Variants in SRGAP1 observed in about 807,000 individuals in gnomAD.
SRGAP1 encodes SLIT-ROBO Rho GTPase activating protein 1.
Under a neutral mutation model 121.9 loss-of-function variants are expected in SRGAP1, and 43 were observed. The observed-to-expected ratio is 0.35, with a 90% CI of 0.28 to 0.46. SRGAP1 has a LOEUF of 0.46. Among genes scored for constraint, SRGAP1 ranks in the 20% least tolerant of loss-of-function variants. The probability of loss-of-function intolerance (pLI) is 1.00; values close to 1 mark genes in which losing one functional copy is unlikely to be tolerated. For synonymous variants in SRGAP1, 447 were observed against 485.4 expected (o/e 0.92, Z 1.04); for missense variants, 1,102 against 1,350.9 (o/e 0.82, Z 2.89).
chr12:64,133,622 CA>C (rs2036817752), intron 21 of SRGAP1, among the ~76,000 whole-genome samples: 1 of 152,138 alleles, frequency 6.6e-6, no homozygotes, highest in Non-Finnish European at 1.5e-5. Context: ...GATAAAGATT[CA>C]CTGCATAAAT....
At chr12:63,900,407 G>C (rs1281947837) in intron 1 of SRGAP1, among the ~76,000 whole-genome samples, 7 of 151,614 alleles carry the variant, frequency 4.6e-5, no homozygotes, top group South Asian at 2.1e-4. Context: ...GAGTTTCACT[G>C]TGTTAGCCAG....
intron 6 of SRGAP1, among the ~76,000 whole-genome samples, chr12:64,050,727 T>C (rs1311457341): frequency 6.6e-6 from 1 of 152,114 alleles, no homozygotes; most frequent in Non-Finnish European, 1.5e-5. Flanking sequence ...TATTTATTTG[T>C]TTGTTTATTT....
At chr12:63,876,870 A>G (rs946634944) in intron 1 of SRGAP1, among the ~76,000 whole-genome samples, 7 of 152,248 alleles carry the variant, frequency 4.6e-5, no homozygotes, top group African/African-American at 1.7e-4. Context: ...CTTTTAAAAA[A>G]TATGAACCAG....
intron 15 of SRGAP1, among the ~76,000 whole-genome samples, chr12:64,104,253 G>A (rs1242362673): frequency 1.3e-5 from 2 of 152,136 alleles, no homozygotes; most frequent in African/African-American, 2.4e-5. Context: ...AAGTTGGGAC[G>A]CTAACATGAG....
chr12:64,000,886 T>C (rs2033872957), intron 3 of SRGAP1, among the ~76,000 whole-genome samples: 1 of 152,312 alleles, frequency 6.6e-6, no homozygotes, highest in Non-Finnish European at 1.5e-5. Context: ...AAGAATGGTC[T>C]ATTGGGAAAA....
At chr12:63,946,293 CTTTTTTTT>C (rs77103965) in intron 1 of SRGAP1, among the ~76,000 whole-genome samples, 1 of 136,740 alleles carries the variant, frequency 7.3e-6, no homozygotes, top group Non-Finnish European at 1.6e-5. Context: ...CTTTTTTTTT[CTTTTTTTT>C]TTTTTACAGT....
chr12:63,926,109 T>C (rs2031251307), intron 1 of SRGAP1, among the ~76,000 whole-genome samples: 1 of 152,202 alleles, frequency 6.6e-6, no homozygotes, highest in Admixed American at 6.5e-5. Flanking sequence ...TTGGATAATA[T>C]ATATTTATAG....
intron 4 of SRGAP1, among the ~76,000 whole-genome samples, chr12:64,030,145 T>TA (rs2034742643): frequency 6.6e-6 from 1 of 152,166 alleles, no homozygotes; most frequent in South Asian, 2.1e-4. Flanking sequence ...ATTATGTTTA[T>TA]AAAAAATTAT....
intron 1 of SRGAP1, among the ~76,000 whole-genome samples, chr12:63,975,848 G>A (rs2033078207): frequency 1.3e-5 from 2 of 152,150 alleles, no homozygotes; most frequent in African/African-American, 4.8e-5. Flanking sequence ...AAGAGGCTTA[G>A]GGGAAAATAT....
At chr12:64,092,502 A>ATACATACG (rs1565677419) in intron 12 of SRGAP1, among the ~76,000 whole-genome samples, 2 of 140,910 alleles carry the variant, frequency 1.4e-5, no homozygotes, top group African/African-American at 6.0e-5. Flanking sequence ...ACATACATAC[A>ATACATACG]TATGTACATA....
chr12:64,001,904 T>C (rs1393864684), intron 3 of SRGAP1, among the ~76,000 whole-genome samples: 1 of 152,192 alleles, frequency 6.6e-6, no homozygotes, highest in Non-Finnish European at 1.5e-5. Context: ...CTAAGTATAC[T>C]CCACCATGCC....
chr12:63,918,395 G>A (rs1160093267), intron 1 of SRGAP1, among the ~76,000 whole-genome samples: 4 of 152,098 alleles, frequency 2.6e-5, no homozygotes, highest in Admixed American at 1.3e-4. Context: ...CAGGGTTCAT[G>A]AACTAAGCCT....
chr12:63,921,134 C>T (rs1378801371), intron 1 of SRGAP1, among the ~76,000 whole-genome samples: 1 of 152,178 alleles, frequency 6.6e-6, no homozygotes, highest in African/African-American at 2.4e-5. Context: ...ACCAGTACCA[C>T]TCCATTACCA....
At chr12:63,940,909 T>C (rs1044532835) in intron 1 of SRGAP1, among the ~76,000 whole-genome samples, 3 of 152,166 alleles carry the variant, frequency 2.0e-5, no homozygotes, top group African/African-American at 7.2e-5. Flanking sequence ...TAGCCGCTTA[T>C]CATTGCCACA....
In SRGAP1 at chr12:63,921,416, A is replaced by G. The variant is rs543968424; in HGVS notation, c.68-62531A>G. Among the ~76,000 whole-genome samples, 256 of 152,264 alleles carry G rather than the reference A, an allele frequency of 1.7e-3. 3 individuals are homozygous for G. The highest frequency in any genetic ancestry group is 3.1e-3 in the Non-Finnish European group (213 of 68,016). The stretch of plus-strand genomic sequence containing the variant: ...GACCTGAATGACCAGGTTCCTGCCC[A>G]TATCTCTAGTGCCATCTCTAGCTAT... On this transcript the variant is annotated intron_variant, in intron 1 of 21. Coordinates refer to ENST00000355086, the MANE Select transcript of SRGAP1 (RefSeq NM_020762.4).
chr12:64,050,745 G>A (rs145824031), intron 6 of SRGAP1, among the ~76,000 whole-genome samples: 1,571 of 152,194 alleles, frequency 0.01, 24 homozygotes, highest in African/African-American at 0.035. Context: ...TTTATTTTGA[G>A]ATGGAATCTT....
chr12:64,008,804 G>A (rs2034163704), intron 3 of SRGAP1, among the ~76,000 whole-genome samples: 1 of 152,138 alleles, frequency 6.6e-6, no homozygotes, highest in Non-Finnish European at 1.5e-5. Context: ...TCCAATGGAT[G>A]ACTTATAAAT....
At chr12:64,087,355 A>T (rs1489946822) in intron 11 of SRGAP1, among the ~76,000 whole-genome samples, 4 of 146,452 alleles carry the variant, frequency 2.7e-5, no homozygotes, top group African/African-American at 1.0e-4. Context: ...TAGTTTAATT[A>T]AAAAAAAAAT....
chr12:64,006,661 T>C (rs887511491), intron 3 of SRGAP1, among the ~76,000 whole-genome samples: 1 of 152,188 alleles, frequency 6.6e-6, no homozygotes, highest in Non-Finnish European at 1.5e-5. Context: ...ATTAGTAATC[T>C]GGGTGATAAT....
Sources: gnomAD v4.1 joint callset for allele counts (sites outside exome capture counted in the v4.1 genomes callset) on GRCh38, gnomAD v4.1.1 for gene constraint, MANE v1.5 for transcripts, NCBI Gene and HGNC (gene_info 2026-07-23, HGNC 2026-07-21) for gene names.